Variants in RNF212B observed in about 807,000 individuals in gnomAD.
The protein encoded by RNF212B is E3 ubiquitin-protein ligase RNF212B.
In RNF212B, 52 loss-of-function variants were observed where a neutral mutation model predicts 55.5. That is an observed-to-expected ratio of 0.94 (90% CI 0.75 to 1.18). The LOEUF (loss-of-function observed/expected upper bound fraction) is 1.18, where lower values mean the gene tolerates loss of function less well. Ranked by LOEUF, RNF212B falls within the 50% of genes most tolerant of loss-of-function variation. The probability of loss-of-function intolerance (pLI) is 0.00; values close to 1 mark genes in which losing one functional copy is unlikely to be tolerated. For synonymous variants in RNF212B, 99 were observed against 121.4 expected, an observed-to-expected ratio of 0.82 and a Z score of 1.21; for missense variants, 289 against 350.4, an observed-to-expected ratio of 0.82 and a Z score of 1.40.
intron 9 of RNF212B, 22 bp from the exon 10 acceptor site, chr14:23,264,150 TTC>T: frequency 6.6e-7 from 1 of 1,518,080 alleles, no homozygotes; most frequent in Non-Finnish European, 8.8e-7. Context: ...TGCCTTTTTT[TTC>T]TTTTTGTTTC....
intron 4 of RNF212B, among the ~76,000 whole-genome samples, chr14:23,253,937 T>C (rs12323394): frequency 0.57 from 87,043 of 151,924 alleles, 26,215 homozygotes; most frequent in African/African-American, 0.78. Flanking sequence ...AAAATTAAAT[T>C]GCGTGCAAAA....
Position 23,269,000 on chromosome 14 carries a change from T to C in RNF212B, c.674+37T>C, listed in dbSNP as rs771540753. 2.6e-6 allele frequency: 4 copies of C among 1,521,414 alleles called. No homozygotes were observed. The South Asian group carries it at 4.8e-5, about 18-fold the overall frequency. 94.2% of individuals were successfully genotyped at this position (1,521,414 alleles called of 1,614,324 possible). A position where few individuals can be genotyped will look rare whatever the true frequency, so the allele number is the denominator to read the frequency against. On this transcript the variant is annotated intron_variant, in intron 12 of 14. Transcript: ENST00000430154. ...TATGCTTCCTTTTTCTTGGGATGTG[T>C]TCATACTTAAACTCTGCCAGCAGGC... is the stretch of plus-strand genomic sequence containing the variant.
intron 4 of RNF212B, among the ~76,000 whole-genome samples, chr14:23,249,619 G>C (rs2140451992): frequency 6.6e-6 from 1 of 152,304 alleles, no homozygotes; most frequent in Non-Finnish European, 1.5e-5. Context: ...AAAGCTTTCA[G>C]TATTTAGGAC....
At chr14:23,215,988 G>A (rs144695713) in intron 2 of RNF212B, among the ~76,000 whole-genome samples, 6 of 152,326 alleles carry the variant, frequency 3.9e-5, no homozygotes, top group East Asian at 1.9e-4. Flanking sequence ...GCTCATGCCT[G>A]TAATCCCAGC....
intron 2 of RNF212B, among the ~76,000 whole-genome samples, chr14:23,213,389 C>G (rs974446941): frequency 5.9e-5 from 9 of 152,160 alleles, no homozygotes; most frequent in African/African-American, 1.7e-4. Context: ...ATACTTTGTT[C>G]ATGAGATGGA....
chr14:23,260,000 C>A, intron 6 of RNF212B, 56 bp downstream of exon 6: 1 of 847,802 alleles, frequency 1.2e-6, no homozygotes, highest in Non-Finnish European at 1.8e-6. Context: ...TCTCATCTAT[C>A]TAGCTGACTG....
At chr14:23,187,724 C>T (rs1192983063) in intron 1 of RNF212B, among the ~76,000 whole-genome samples, 1 of 152,148 alleles carries the variant, frequency 6.6e-6, no homozygotes, top group African/African-American at 2.4e-5. Context: ...GCGCTCACTC[C>T]ATCCTTCTTC....
chr14:23,192,850 G>T (rs1878246986), intron 1 of RNF212B, among the ~76,000 whole-genome samples: 1 of 152,022 alleles, frequency 6.6e-6, no homozygotes, highest in Admixed American at 6.6e-5. Flanking sequence ...CCAGCACTTT[G>T]GGAGGCCAAG....
intron 4 of RNF212B, among the ~76,000 whole-genome samples, chr14:23,257,427 A>G (rs977476489): frequency 3.3e-5 from 5 of 152,210 alleles, no homozygotes; most frequent in African/African-American, 1.2e-4. Flanking sequence ...ATCTAAAACT[A>G]GTTTAGTTTA....
chr14:23,225,147 A>G (rs909074066), intron 2 of RNF212B, among the ~76,000 whole-genome samples: 1 of 152,122 alleles, frequency 6.6e-6, no homozygotes, highest in Non-Finnish European at 1.5e-5. Context: ...TTCAAAAGTC[A>G]GGCAATAACA....
chr14:23,267,245 T>C lies in RNF212B; in HGVS notation c.635-1679T>C, dbSNP rs148575732. On this transcript the variant is annotated intron_variant, in intron 11 of 14. Transcript: ENST00000430154. ...AATCCTCCTGCCTCAGCTCCCAAAG[T>C]GCTGGGATTATAGGCATGAGCAACC... Among the ~76,000 whole-genome samples, 466 of 152,200 alleles carry C rather than the reference T, an allele frequency of 3.1e-3. 4 individuals are homozygous for C. The highest frequency in any genetic ancestry group is 0.01 in the African/African-American group (434 of 41,518).
rs566130075 is a variant in RNF212B at position 23,229,487 on chromosome 14, A to C, written c.-1-10858A>C. Among the ~76,000 whole-genome samples the C allele has an allele frequency of 2.6e-5, 4 of 152,028 alleles. No homozygotes were observed. In the South Asian group the frequency reaches 8.3e-4, roughly 32 times the overall value. ...CCAAATTGCTTTCCAAAGCAGGTGC[A>C]TCATTGTACATTCCCATCAGCAATG... On this transcript the variant is annotated intron_variant, in intron 2 of 15. Transcript: ENST00000399910.
chr14:23,236,524 C>T (rs1338831789), upstream of RNF212B, among the ~76,000 whole-genome samples: 2 of 149,326 alleles, frequency 1.3e-5, no homozygotes, highest in East Asian at 1.9e-4. Flanking sequence ...CAAAAAACAA[C>T]AACAACAACA....
intron 2 of RNF212B, among the ~76,000 whole-genome samples, chr14:23,193,953 T>G (rs1410024814): frequency 6.6e-6 from 1 of 152,312 alleles, no homozygotes; most frequent in African/African-American, 2.4e-5. Context: ...GCGATTCTCC[T>G]GCCTCAGCCT....
intron 2 of RNF212B, among the ~76,000 whole-genome samples, chr14:23,199,813 T>G (rs1047648691): frequency 6.6e-6 from 1 of 152,324 alleles, no homozygotes; most frequent in African/African-American, 2.4e-5. Context: ...AATTGGTTGC[T>G]GTTATTTTCT....
rs1886236126 is a variant in RNF212B at position 23,273,137 on chromosome 14, C to T, written c.*246C>T. 3.1e-6 allele frequency: 1 copy of T among 322,820 alleles called. No homozygotes were observed. Among genetic ancestry groups the T allele is most frequent in the Admixed American group, 4.5e-5 (1 of 22,438 alleles). 20.0% of individuals were successfully genotyped at this position (322,820 alleles called of 1,614,324 possible). On this transcript the variant is annotated 3_prime_UTR_variant, in exon 15 of 15. Transcript: ENST00000430154. ...TCTTCCAGAAGACACTGGTAGCTCC[C>T]CTCATTTCCTACAATTTGGAACAAA...
At chr14:23,201,973 G>A (rs901125106) in intron 2 of RNF212B, among the ~76,000 whole-genome samples, 2 of 151,984 alleles carry the variant, frequency 1.3e-5, no homozygotes, top group East Asian at 3.9e-4. Flanking sequence ...GTTGGAGGCC[G>A]GGCACAGTAG....
intron 11 of RNF212B, among the ~76,000 whole-genome samples, chr14:23,267,768 G>A (rs1885809052): frequency 1.3e-5 from 2 of 152,108 alleles, no homozygotes; most frequent in South Asian, 2.1e-4. Flanking sequence ...TCTGATATTA[G>A]TATAGCCACT....
intron 2 of RNF212B, among the ~76,000 whole-genome samples, chr14:23,208,814 A>G (rs1456509366): frequency 4.3e-5 from 5 of 115,666 alleles, no homozygotes; most frequent in Non-Finnish European, 8.0e-5. Context: ...GCTGGAGTGC[A>G]ATGGCGCGAT....
Sources: allele counts gnomAD v4.1 joint callset (sites outside exome capture counted in the v4.1 genomes callset), GRCh38; gene constraint gnomAD v4.1.1; transcripts MANE v1.5; gene names NCBI Gene and HGNC (gene_info 2026-07-23, HGNC 2026-07-21).